Variants in PCDHA3 observed in about 807,000 individuals in gnomAD.
PCDHA3 encodes the protein protocadherin alpha 3, also known as protocadherin alpha-3.
PCDHA3 carries 41 observed loss-of-function variants against 62.2 expected under a neutral mutation model. That is an observed-to-expected ratio of 0.66 (90% CI 0.51 to 0.86). The LOEUF is 0.86. Ranked by LOEUF, PCDHA3 falls within the 40% of genes least tolerant of loss-of-function variation. The pLI, the probability that PCDHA3 is intolerant of heterozygous loss-of-function variation, is 0.00. For missense variants in PCDHA3, 1,304 were observed against 1,241.2 expected, an observed-to-expected ratio of 1.05 and a Z score of -0.76; for synonymous variants, 640 against 555.4, an observed-to-expected ratio of 1.15 and a Z score of -2.14.
chr5:140,872,950 G>A lies in PCDHA3; in HGVS notation c.2394+69359G>A, dbSNP rs185090422. ...AATGTTTTTGAAATTTTCTTTCCAC[G>A]TAGTATCATCCCATCTGAAGATTTG... On this transcript the variant is annotated intron_variant, in intron 1 of 3. Transcript: ENST00000522353. Among the ~76,000 whole-genome samples, 445 of 152,104 alleles carry A rather than the reference G, an allele frequency of 2.9e-3. 2 individuals carry two copies. Among genetic ancestry groups the A allele is most frequent in the Middle Eastern group, 0.014 (4 of 294 alleles).
chr5:140,853,535 C>G (rs916895928), intron 1 of PCDHA3: 2 of 979,230 alleles, frequency 2.0e-6, no homozygotes, highest in South Asian at 9.5e-5. Context: ...TGTCTCTTTT[C>G]AAGTTGTAAT....
chr5:140,841,207 T>C (rs1217897832), intron 1 of PCDHA3: 1 of 1,357,074 alleles, frequency 7.4e-7, no homozygotes, highest in African/African-American at 1.5e-5. Context: ...ACAGCATCTG[T>C]CTCTAAAGGC....
At chr5:140,903,386 T>C (rs1053060392) in intron 1 of PCDHA3, among the ~76,000 whole-genome samples, 3 of 152,222 alleles carry the variant, frequency 2.0e-5, no homozygotes, top group Non-Finnish European at 4.4e-5. Context: ...TTGTGGTTAC[T>C]TCTAGAAACA....
chr5:140,987,882 T>G (rs942974119), intron 3 of PCDHA3, among the ~76,000 whole-genome samples: 2 of 152,158 alleles, frequency 1.3e-5, no homozygotes, highest in Non-Finnish European at 2.9e-5. Flanking sequence ...ATGGACAGTT[T>G]ATGTGCCCTA....
chr5:140,841,473 A>G, intron 1 of PCDHA3: 1 of 1,612,990 alleles, frequency 6.2e-7, no homozygotes, highest in Non-Finnish European at 8.5e-7. Flanking sequence ...ATCGCGCAGG[A>G]CCTGGGGCTG....
chr5:140,842,009 G>A, intron 1 of PCDHA3: 3 of 1,613,748 alleles, frequency 1.9e-6, no homozygotes, highest in Non-Finnish European at 2.5e-6. Flanking sequence ...TCAGCTGCTG[G>A]TCACAGTGCT....
intron 1 of PCDHA3, chr5:140,829,364 G>A: frequency 6.2e-7 from 1 of 1,614,244 alleles, no homozygotes; most frequent in Non-Finnish European, 8.5e-7. Context: ...TGAGTTGGTG[G>A]TAACCGCGCG....
At chr5:140,836,991 C>A in intron 1 of PCDHA3, 2 of 347,628 alleles carry the variant, frequency 5.8e-6, no homozygotes, top group Non-Finnish European at 1.0e-5. Context: ...GAGGACTTTG[C>A]TAACTGGAGC....
intron 1 of PCDHA3, among the ~76,000 whole-genome samples, chr5:140,933,263 A>G (rs1374246908): frequency 6.6e-6 from 1 of 151,986 alleles, no homozygotes; most frequent in Non-Finnish European, 1.5e-5. Context: ...AAAGGTTATT[A>G]TATATTCATT....
At chr5:140,925,189 C>A (rs1488098385) in intron 1 of PCDHA3, among the ~76,000 whole-genome samples, 2 of 152,116 alleles carry the variant, frequency 1.3e-5, no homozygotes, top group African/African-American at 4.8e-5. Flanking sequence ...TACCATCACC[C>A]AGCTTCAATA....
intron 3 of PCDHA3, among the ~76,000 whole-genome samples, chr5:140,998,727 G>T (rs2097831761): frequency 6.6e-6 from 1 of 152,076 alleles, no homozygotes; most frequent in African/African-American, 2.4e-5. Flanking sequence ...ACCACGCTAG[G>T]CTAATTTTGT....
At chr5:140,998,156 C>T (rs782675490) in intron 3 of PCDHA3, among the ~76,000 whole-genome samples, 3 of 152,178 alleles carry the variant, frequency 2.0e-5, no homozygotes, top group Non-Finnish European at 4.4e-5. Context: ...ACAGTTAAGC[C>T]ATGTGCCAAG....
At position 140,877,452 on chromosome 5, in the gene PCDHA3, G is replaced by A. The variant is rs116206336; in HGVS notation, c.2394+73861G>A. On this transcript the variant is annotated intron_variant, in intron 1 of 3. Transcript: ENST00000522353. ...AGGACCACGGTGAGCCCGCGCTGAC[G>A]TCCACGGCCACGGTGCTGGTGTCGC... 1,416 of 1,613,822 alleles carry A rather than the reference G, an allele frequency of 8.8e-4. 8 individuals carry two copies. The African/African-American group carries it at 0.017, about 19-fold the overall frequency.
intron 1 of PCDHA3, among the ~76,000 whole-genome samples, chr5:140,923,629 G>A (rs1350871926): frequency 6.6e-6 from 1 of 152,138 alleles, no homozygotes; most frequent in Non-Finnish European, 1.5e-5. Flanking sequence ...TTATCCAAAA[G>A]GCAAAAATCT....
At chr5:140,879,960 C>T (rs781917048) in intron 1 of PCDHA3, among the ~76,000 whole-genome samples, 3 of 152,168 alleles carry the variant, frequency 2.0e-5, no homozygotes, top group Non-Finnish European at 4.4e-5. Flanking sequence ...TCTGGATAAT[C>T]CAGGATAAAC....
intron 1 of PCDHA3, chr5:140,928,323 T>C: frequency 1.2e-6 from 2 of 1,614,178 alleles, no homozygotes; most frequent in Non-Finnish European, 1.7e-6. Context: ...TGGGGAAGAA[T>C]GGCCTTGTCT....
At chr5:140,821,734 GT>G in intron 1 of PCDHA3, 3 of 1,534,086 alleles carry the variant, frequency 2.0e-6, no homozygotes, top group South Asian at 1.2e-5. Flanking sequence ...AATACATTGT[GT>G]GGTGATGCAA....
At chr5:140,885,453 C>T (rs1269332427) in intron 1 of PCDHA3, among the ~76,000 whole-genome samples, 3 of 152,100 alleles carry the variant, frequency 2.0e-5, no homozygotes, top group African/African-American at 7.2e-5. Flanking sequence ...ATATTATTTA[C>T]CTAATGATGG....
intron 1 of PCDHA3, chr5:140,967,870 G>C (rs782622860): frequency 1.2e-6 from 2 of 1,614,152 alleles, no homozygotes; most frequent in Admixed American, 3.3e-5. Context: ...TGGTGCTCAC[G>C]GACCTGTATA....
Sources: gnomAD v4.1 joint callset for allele counts (sites outside exome capture counted in the v4.1 genomes callset) on GRCh38, gnomAD v4.1.1 for gene constraint, MANE v1.5 for transcripts, NCBI Gene and HGNC (gene_info 2026-07-23, HGNC 2026-07-21) for gene names.